PAX1: variants seen among roughly 807,000 people sequenced by gnomAD.
The protein encoded by PAX1 is paired box 1.
PAX1 carries 18 observed loss-of-function variants against 35.6 expected under a neutral mutation model. The ratio of observed to expected loss-of-function variants is 0.50; its 90% CI spans 0.35 to 0.75. PAX1 has a LOEUF of 0.75. PAX1 is among the 30% of genes least tolerant of loss of function. PAX1 has a pLI of 0.01. For missense variants in PAX1, 760 were observed against 661.5 expected (o/e 1.15, Z -1.63); for synonymous variants, 397 against 305.2 (o/e 1.30, Z -3.14).
At chr20:21,708,223 A>G (rs772068543) in intron 2 of PAX1, 4 of 479,310 alleles carry the variant, frequency 8.3e-6, no homozygotes, top group Non-Finnish European at 1.5e-5. Context: ...AGGTTGCTGT[A>G]GCTTTGAACT....
At position 21,706,488 on chromosome 20, in the gene PAX1, C is replaced by G; in HGVS notation, c.337C>G (p.Arg113Gly). ...NQLGGVFVNG[R>G]PLPNAIRLRI... ...GCTGGGCGGTGTGTTCGTCAACGGC[C>G]GCCCCCTGCCCAACGCCATCCGCTT... is the stretch of plus-strand genomic sequence containing the variant. Residue 113 changes from arginine to glycine, a missense_variant, in exon 2 of 5, where the codon CGC (arginine) becomes GGC (glycine). By Grantham distance (125) the Arg-to-Gly change is moderately radical (BLOSUM62 -2). Transcript: ENST00000613128. The surrounding 1 kb of genome is among the most constrained non-coding windows in gnomAD (Gnocchi z 5.3). 6.2e-7 allele frequency: 1 copy of G among 1,611,612 alleles called. No individual in the cohort carries two copies. The highest frequency in any genetic ancestry group is 8.5e-7 in the Non-Finnish European group (1 of 1,179,212).
intron 4 of PAX1, among the ~76,000 whole-genome samples, chr20:21,713,645 G>A (rs935962966): frequency 3.3e-5 from 5 of 152,204 alleles, no homozygotes; most frequent in African/African-American, 9.7e-5. Context: ...GTGGCTCAAG[G>A]TTGGGAAAGG....
Position 21,715,231 on chromosome 20 carries a change from A to G in PAX1, c.*669A>G, listed in dbSNP as rs1985331349. 1 of 201,390 alleles carries G rather than the reference A, an allele frequency of 5.0e-6. No individual in the cohort carries two copies. The highest frequency in any genetic ancestry group is 2.4e-5 in the African/African-American group (1 of 41,846). The allele number at this position is 201,390 out of a possible 1,614,324, so 12.5% of individuals were successfully genotyped here. A position where few individuals can be genotyped will look rare whatever the true frequency, so the allele number is the denominator to read the frequency against. ...CCCTCCCTCAGTCCCTGAGAGCCCT[A>G]GAGCCATCTCGGTGACAGTCCCTTC... On this transcript the variant is annotated 3_prime_UTR_variant, in exon 5 of 5. Transcript: ENST00000613128.
chr20:21,709,232 C>T lies in PAX1; in HGVS notation c.1070C>T (p.Thr357Ile), dbSNP rs746694199. 2.5e-6 allele frequency: 4 copies of T among 1,606,114 alleles called. No individual in the cohort carries two copies. Among genetic ancestry groups the T allele is most frequent in the African/African-American group, 2.7e-5 (2 of 74,914 alleles). ...TCTCTATCCCCACAGTCGGCCTCCACCCTCTCTGCCGTGGGCGGCTTTCTC... is the reference window on the plus strand; with the variant it reads ...TCTCTATCCCCACAGTCGGCCTCCATCCTCTCTGCCGTGGGCGGCTTTCTC... ...ADIKYTQSAS[T>I]LSAVGGFLPA... Residue 357 changes from threonine (T) to isoleucine (I), a missense_variant, in exon 4 of 5, where the codon ACC (threonine) becomes ATC (isoleucine). By Grantham distance (89) the Thr-to-Ile change is moderately conservative. This residue lies in a region of PAX1 where 490 missense variants were observed against 428.4 expected (regional missense o/e 1.14). Transcript: ENST00000613128.
At position 21,714,826 on chromosome 20, in the gene PAX1, C is replaced by A; in HGVS notation, c.*264C>A. The A allele has an allele frequency of 1.3e-6, 2 of 1,586,180 alleles. No individual in the cohort carries two copies. The highest frequency in any genetic ancestry group is 1.7e-6 in the Non-Finnish European group (2 of 1,167,582). ...TAGACTGCCGTACCCTCCTCACAAT[C>A]CTTGCTCTGACGTGGCCTCCTTCGC... On this transcript the variant is annotated 3_prime_UTR_variant, in exon 5 of 5. Transcript: ENST00000613128.
In PAX1 at chr20:21,705,960, A is replaced by G. The variant is rs1431088733; in HGVS notation, c.248A>G (p.His83Arg). The part of the protein sequence containing the change: ...CAGPSPGHPG[H>R]PGARQLAGPL... The stretch of plus-strand genomic sequence containing the variant: ...GGGCCCAGCCCCGGCCACCCCGGCC[A>G]CCCCGGCGCCAGGCAGCTGGCCGGC... The change falls in exon 1 of 5, where the codon CAC becomes CGC. Residue 83 changes from histidine (H) to arginine (R), a missense_variant. Around this residue, in one of 3 missense-constraint regions of PAX1, gnomAD observed 222 missense variants for 153.0 expected, o/e 1.45. Coordinates refer to ENST00000613128, the MANE Select transcript of PAX1 (RefSeq NM_001257096.2). 17 of 1,486,292 alleles carry G rather than the reference A, an allele frequency of 1.1e-5. No individual in the cohort carries two copies. The highest frequency in any genetic ancestry group is 1.4e-5 in the Non-Finnish European group (16 of 1,127,206). The allele number at this position is 1,486,292 out of a possible 1,614,324, so 92.1% of individuals were successfully genotyped here.
rs1489682624 is a variant in PAX1 at position 21,705,987 on chromosome 20, C to A, written c.275C>A (p.Pro92Gln). The A allele has an allele frequency of 8.1e-6, 12 of 1,479,546 alleles. No homozygotes were observed. The highest frequency in any genetic ancestry group is 2.6e-5 in the East Asian group (1 of 38,890). 91.7% of individuals were successfully genotyped at this position (1,479,546 alleles called of 1,614,324 possible). Residue 92 changes from proline (P) to glutamine (Q), a missense_variant, in exon 1 of 5, where the codon CCG becomes CAG. Coordinates refer to ENST00000613128, the MANE Select transcript of PAX1 (RefSeq NM_001257096.2). ...CCCGGCGCCAGGCAGCTGGCCGGCC[C>A]GCTCGCTATGGGTAAGGGGCGGGCG... ...GHPGARQLAG[P>Q]LAMEQTYGEV...
At position 21,706,370 on chromosome 20, in the gene PAX1, G is replaced by C. The variant is rs1450751287; in HGVS notation, c.287-68G>C. ...TGGGTGCAGTCCCTCGCTCCGCGTG[G>C]GGACCCTTGGCTAACCCGCCGGGTG... On this transcript the variant is annotated intron_variant, in intron 1 of 4. Coordinates refer to ENST00000613128, the MANE Select transcript of PAX1 (RefSeq NM_001257096.2). The surrounding 1 kb of genome is among the most constrained non-coding windows in gnomAD (Gnocchi z 5.3). 1 of 1,591,976 alleles carries C rather than the reference G, an allele frequency of 6.3e-7. No homozygotes were observed. The highest frequency in any genetic ancestry group is 8.6e-7 in the Non-Finnish European group (1 of 1,169,540).
chr20:21,708,738 G>T (rs749779229), intron 3 of PAX1, 38 bp downstream of exon 3: 2 of 1,606,206 alleles, frequency 1.2e-6, no homozygotes, highest in African/African-American at 2.7e-5. Context: ...CCTTAAGTAG[G>T]GAAGCAGAAG....
rs188380051 is a variant in PAX1 at position 21,718,387 on chromosome 20, G to A, written c.*3825G>A. 2.6e-5 allele frequency: 4 copies of A among 152,326 alleles called. No homozygotes were observed. Among genetic ancestry groups the A allele is most frequent in the Admixed American group, 2.6e-4 (4 of 15,304 alleles). The allele number at this position is 152,326 out of a possible 1,614,324, so 9.4% of individuals were successfully genotyped here. A position where few individuals can be genotyped will look rare whatever the true frequency, so the allele number is the denominator to read the frequency against. On this transcript the variant is annotated 3_prime_UTR_variant, in exon 5 of 5. Coordinates refer to ENST00000613128, the MANE Select transcript of PAX1 (RefSeq NM_001257096.2). ...GCTTCCTCTCCTTTGGAGGGAGTCA[G>A]TCTCTCTGGGCCAGGAAAGAGACAT...
Position 21,714,576 on chromosome 20 carries a change from C to G in PAX1, c.*14C>G, listed in dbSNP as rs183464369. On this transcript the variant is annotated 3_prime_UTR_variant, in exon 5 of 5. Coordinates refer to ENST00000613128, the MANE Select transcript of PAX1 (RefSeq NM_001257096.2). The stretch of plus-strand genomic sequence containing the variant: ...TCGACCTCCTAGGGGCAGCTCTCCC[C>G]GGACCCGAGCCCGGAGGGAACGGCA... 10 of 1,580,668 alleles carry G rather than the reference C, an allele frequency of 6.3e-6. No individual in the cohort carries two copies. Among genetic ancestry groups the G allele is most frequent in the Non-Finnish European group, 8.6e-6 (10 of 1,164,400 alleles).
chr20:21,707,068 G>C lies in PAX1; in HGVS notation c.916+1G>C. 2 of 1,613,048 alleles carry C rather than the reference G, an allele frequency of 1.2e-6. No individual in the cohort carries two copies. Among genetic ancestry groups the C allele is most frequent in the Non-Finnish European group, 1.7e-6 (2 of 1,180,030 alleles). ...ATCCGGACGTTTATGGAGCAAACAG[G>C]TCAGTTGTGGCGGCCTCCGTAGCCT... is the stretch of plus-strand genomic sequence containing the variant. On this transcript the variant is annotated splice_donor_variant, in intron 2 of 4. Transcript: ENST00000613128. LOFTEE classifies it high-confidence loss of function.
rs1019868079 is a variant in PAX1 at position 21,706,143 on chromosome 20, C to T, written c.286+145C>T. ...GCATTCTCCTCTGATCCCCAGCCTTCAGGGGGCAGTTGAGCAAGTCTGGGA... is the reference window on the plus strand; with the variant it reads ...GCATTCTCCTCTGATCCCCAGCCTTTAGGGGGCAGTTGAGCAAGTCTGGGA... On this transcript the variant is annotated intron_variant, in intron 1 of 4. Transcript: ENST00000613128. This position sits in a 1 kb window ranked among gnomAD's most constrained non-coding sequence, Gnocchi z 5.3. 17 of 820,238 alleles carry T rather than the reference C, an allele frequency of 2.1e-5. No individual in the cohort carries two copies. Among genetic ancestry groups the T allele is most frequent in the Non-Finnish European group, 3.4e-5 (17 of 499,848 alleles). The allele number at this position is 820,238 out of a possible 1,614,324, so 50.8% of individuals were successfully genotyped here. A position where few individuals can be genotyped will look rare whatever the true frequency, so the allele number is the denominator to read the frequency against.
At chr20:21,712,143 A>G (rs1183437935) in intron 4 of PAX1, among the ~76,000 whole-genome samples, 1 of 152,248 alleles carries the variant, frequency 6.6e-6, no homozygotes, top group East Asian at 1.9e-4. Context: ...CCTCCAAATT[A>G]GTGCAAATGA....
intron 4 of PAX1, among the ~76,000 whole-genome samples, chr20:21,711,925 C>T (rs1235680498): frequency 1.3e-5 from 2 of 152,160 alleles, no homozygotes; most frequent in Non-Finnish European, 2.9e-5. Context: ...TTCAAAGAAA[C>T]CTGTCCCAGA....
At chr20:21,707,179 G>A (rs931475146) in intron 2 of PAX1, 112 bp downstream of exon 2, 1 of 1,365,438 alleles carries the variant, frequency 7.3e-7, no homozygotes, top group African/African-American at 1.4e-5. Context: ...TCTGGCTCAG[G>A]GGAGGGCTCC....
chr20:21,713,386 G>GTA (rs1985262499), intron 4 of PAX1, among the ~76,000 whole-genome samples: 1 of 147,806 alleles, frequency 6.8e-6, no homozygotes, highest in African/African-American at 2.5e-5. Flanking sequence ...TTTTTTTTGT[G>GTA]TGTGTGTGTG....
rs1984989543 is a variant in PAX1 at position 21,706,222 on chromosome 20, C to CA, written c.287-214dup. The stretch of plus-strand genomic sequence containing the variant: ...AGTCGCGAAAGGGCACGGAGGGCTA[C>CA]AATGCGCCGCGCTCCACTCCGCGGC... On this transcript the variant is annotated intron_variant, in intron 1 of 4. Coordinates refer to ENST00000613128, the MANE Select transcript of PAX1 (RefSeq NM_001257096.2). The surrounding 1 kb of genome is among the most constrained non-coding windows in gnomAD (Gnocchi z 5.3). 1.3e-6 allele frequency: 1 copy of CA among 780,638 alleles called. No homozygotes were observed. Among genetic ancestry groups the CA allele is most frequent in the African/African-American group, 1.7e-5 (1 of 58,720 alleles). 48.4% of individuals were successfully genotyped at this position (780,638 alleles called of 1,614,324 possible). A position where few individuals can be genotyped will look rare whatever the true frequency, so the allele number is the denominator to read the frequency against.
chr20:21,714,689 C>A lies in PAX1; in HGVS notation c.*127C>A, dbSNP rs141035728. 1 of 1,605,728 alleles carries A rather than the reference C, an allele frequency of 6.2e-7. No homozygotes were observed. The highest frequency in any genetic ancestry group is 8.5e-7 in the Non-Finnish European group (1 of 1,179,212). Reference sequence around the variant, plus strand: ...GACTCGCGGAGGAGGAAGCCAGTGCCGGCCCGCGGGGTGCACGCCCAGCCA... The same window carrying A: ...GACTCGCGGAGGAGGAAGCCAGTGCAGGCCCGCGGGGTGCACGCCCAGCCA... On this transcript the variant is annotated 3_prime_UTR_variant, in exon 5 of 5. Coordinates refer to ENST00000613128, the MANE Select transcript of PAX1 (RefSeq NM_001257096.2).
Sources: gnomAD v4.1 joint callset for allele counts (sites outside exome capture counted in the v4.1 genomes callset) on GRCh38, gnomAD v4.1.1 for gene constraint, gnomAD v4.1.1 regional missense constraint, Gnocchi (gnomAD v3.1) non-coding constraint, MANE v1.5 for transcripts, NCBI Gene and HGNC (gene_info 2026-07-23, HGNC 2026-07-21) for gene names.